Variants in PCNT observed in about 807,000 individuals in gnomAD.
PCNT encodes the protein kendrin.
In PCNT, 319 loss-of-function variants were observed where a neutral mutation model predicts 380.4. The ratio of observed to expected loss-of-function variants is 0.84; its 90% confidence interval spans 0.77 to 0.92. PCNT has a LOEUF of 0.92. Ranked by LOEUF, PCNT falls within the 40% of genes least tolerant of loss-of-function variation. The pLI, the probability that PCNT is intolerant of heterozygous loss-of-function variation, is 0.00. For synonymous variants in PCNT, 1,845 were observed against 1,735.2 expected (o/e 1.06, Z -1.57); for missense variants, 4,400 against 4,255.3 (o/e 1.03, Z -0.95).
At chr21:46,393,366 A>G (rs2086099509) in intron 21 of PCNT, among the ~76,000 whole-genome samples, 1 of 152,226 alleles carries the variant, frequency 6.6e-6, no homozygotes, top group East Asian at 1.9e-4. Context: ...CGCTCTCAGC[A>G]TCTTTGCCCT....
At chr21:46,392,726 C>T (rs187013787) in intron 21 of PCNT, among the ~76,000 whole-genome samples, 27 of 152,294 alleles carry the variant, frequency 1.8e-4, no homozygotes, top group African/African-American at 6.3e-4. Flanking sequence ...ATTGGTCCCA[C>T]GGGATGTTTT....
chr21:46,436,568 A>AT (rs1425459957), intron 39 of PCNT, among the ~76,000 whole-genome samples: 2 of 150,542 alleles, frequency 1.3e-5, no homozygotes, highest in African/African-American at 4.9e-5. Context: ...AGAAAGGGTA[A>AT]TGCTAATGTT....
intron 15 of PCNT, among the ~76,000 whole-genome samples, chr21:46,372,299 G>A (rs535229281): frequency 8.3e-6 from 1 of 120,012 alleles, no homozygotes; most frequent in East Asian, 2.0e-4. Flanking sequence ...CATACACATA[G>A]CAGATGTGCA....
intron 3 of PCNT, among the ~76,000 whole-genome samples, chr21:46,344,590 A>AT (rs1220098225): frequency 2.0e-5 from 3 of 152,246 alleles, no homozygotes; most frequent in South Asian, 4.1e-4. Flanking sequence ...AGTTTGGGTC[A>AT]TTTTTTAATC....
rs916997553 is a variant in PCNT, at chr21:46,357,086, T to G, written c.2049T>G (p.Leu683=). ...LETEHKVQLS[L]LQTELKEEIE... ...CTGAGCACAAGGTGCAACTTTCGCTTCTTCAGACTGAGCTCAAAGAAGAAA... is the reference window on the plus strand; with the variant it reads ...CTGAGCACAAGGTGCAACTTTCGCTGCTTCAGACTGAGCTCAAAGAAGAAA... Residue 683 remains leucine, a synonymous_variant, in exon 13 of 47, where the codon CTT becomes CTG. Coordinates refer to ENST00000359568, the MANE Select transcript of PCNT (RefSeq NM_006031.6). 3.1e-6 allele frequency: 5 copies of G among 1,613,902 alleles called. No individual in the cohort carries two copies. Among genetic ancestry groups the G allele is most frequent in the East Asian group, 4.5e-5 (2 of 44,890 alleles).
chr21:46,373,593 A>G (rs556043567), intron 15 of PCNT, among the ~76,000 whole-genome samples: 2 of 141,830 alleles, frequency 1.4e-5, no homozygotes, highest in South Asian at 4.7e-4. Flanking sequence ...CACCATGCCT[A>G]ATATTTGTAT....
intron 7 of PCNT, 23 bp downstream of exon 7, chr21:46,349,209 T>C (rs758010259): frequency 2.1e-5 from 33 of 1,599,744 alleles, no homozygotes; most frequent in African/African-American, 2.7e-5. Context: ...AATGAGCAAG[T>C]TTGGAGTGGG....
chr21:46,416,069 G>C lies in PCNT; in HGVS notation c.6151G>C (p.Gly2051Arg). 6.2e-7 allele frequency: 1 copy of C among 1,613,974 alleles called. No homozygotes were observed. Among genetic ancestry groups the C allele is most frequent in the Non-Finnish European group, 8.5e-7 (1 of 1,180,020 alleles). ...TGCACCTGTTCTGTTTCACCTGCAG[G>C]GTAAAGAAAAAGTACTGGAAGATTG... ...MRLSLEDGGK[G>R]KEKVLEDCQL... Residue 2051 changes from glycine to arginine, a missense_variant and splice_region_variant, in exon 30 of 47, where the codon GGT (glycine) becomes CGT (arginine). Gly to Arg is a moderately radical substitution (Grantham distance 125). Coordinates refer to ENST00000359568, the MANE Select transcript of PCNT (RefSeq NM_006031.6).
chr21:46,436,517 C>T (rs1240341123), intron 39 of PCNT, among the ~76,000 whole-genome samples: 1 of 146,414 alleles, frequency 6.8e-6, no homozygotes, highest in African/African-American at 2.5e-5. Context: ...CACTCAAGGC[C>T]ACTCACACCC....
In PCNT at chr21:46,378,585, T is replaced by TG. The variant is rs563861838; in HGVS notation, c.3166-3104dup. On this transcript the variant is annotated intron_variant, in intron 15 of 46. Coordinates refer to ENST00000359568, the MANE Select transcript of PCNT (RefSeq NM_006031.6). The stretch of plus-strand genomic sequence containing the variant: ...CGAGATTTCCTCACACCGTTCAGCT[T>TG]GGGGGCAGGCAGTTTAACACTCATA... 6.3e-3 allele frequency among the ~76,000 whole-genome samples: 958 copies of TG among 152,212 alleles called. 11 individuals are homozygous for TG. The highest frequency in any genetic ancestry group is 0.022 in the African/African-American group (921 of 41,532).
rs2084183861 is a variant in PCNT, at chr21:46,349,277, G to A, written c.1207+91G>A. ...GTCGTTCATGTCACCATGCGTCATT[G>A]CGCACGTTTCCTACCTTCTAAATGC... On this transcript the variant is annotated intron_variant, in intron 7 of 46. Transcript: ENST00000359568. 1.8e-5 allele frequency: 19 copies of A among 1,076,708 alleles called. No individual in the cohort carries two copies. In the South Asian group the frequency reaches 2.0e-4, roughly 11 times the overall value. 66.7% of individuals were successfully genotyped at this position (1,076,708 alleles called of 1,614,324 possible).
chr21:46,435,734 G>T (rs1316026915), intron 38 of PCNT, among the ~76,000 whole-genome samples, 170 bp from the exon 39 acceptor site: 3 of 151,934 alleles, frequency 2.0e-5, no homozygotes, highest in Non-Finnish European at 2.9e-5. Context: ...AGTAGAGGTG[G>T]GGTTTCACTG....
chr21:46,387,017 T>C (rs1026342216), intron 17 of PCNT, among the ~76,000 whole-genome samples: 1 of 152,166 alleles, frequency 6.6e-6, no homozygotes, highest in African/African-American at 2.4e-5. Context: ...CCCAGGCCTC[T>C]GAGTCCTGCT....
At chr21:46,357,230 G>C in intron 13 of PCNT, 39 bp downstream of exon 13, 1 of 1,390,500 alleles carries the variant, frequency 7.2e-7, no homozygotes, top group East Asian at 2.3e-5. Context: ...TCCCGCCCGA[G>C]TCCTTGCTCT....
At chr21:46,402,809 G>A (rs2086472522) in intron 27 of PCNT, among the ~76,000 whole-genome samples, 1 of 152,154 alleles carries the variant, frequency 6.6e-6, no homozygotes, top group African/African-American at 2.4e-5. Context: ...GCTGTTGGTG[G>A]CTTGCTCTTC....
At chr21:46,371,367 G>A (rs1275909819) in intron 15 of PCNT, among the ~76,000 whole-genome samples, 10 of 151,890 alleles carry the variant, frequency 6.6e-5, no homozygotes, top group East Asian at 1.9e-4. Flanking sequence ...GGGCCACCAC[G>A]CCTCGCTAAT....
At position 46,416,349 on chromosome 21, in the gene PCNT, A is replaced by C; in HGVS notation, c.6431A>C (p.Asn2144Thr). 1 of 1,614,086 alleles carries C rather than the reference A, an allele frequency of 6.2e-7. No homozygotes were observed. Among genetic ancestry groups the C allele is most frequent in the Non-Finnish European group, 8.5e-7 (1 of 1,179,982 alleles). Reference protein sequence around the residue: ...ATGGVTDVIKNQAIDACDANT... With the variant: ...ATGGVTDVIKTQAIDACDANT... ...GGGGGTGTAACTGATGTTATCAAAA[A>C]TCAGGCCATAGACGCGTGTGATGCC... is the stretch of plus-strand genomic sequence containing the variant. Residue 2144 changes from asparagine (N) to threonine (T), a missense_variant, in exon 30 of 47, where the codon AAT becomes ACT. Physicochemically the swap from Asn to Thr is moderately conservative, Grantham distance 65. Coordinates refer to ENST00000359568, the MANE Select transcript of PCNT (RefSeq NM_006031.6).
rs1602064834 is a variant in PCNT, at chr21:46,425,151, C to G, written c.7180-680C>G. Among the ~76,000 whole-genome samples the G allele has an allele frequency of 6.6e-6, 1 of 152,154 alleles. No homozygotes were observed. The highest frequency in any genetic ancestry group is 1.5e-5 in the Non-Finnish European group (1 of 68,040). On this transcript the variant is annotated intron_variant, in intron 32 of 46. Coordinates refer to ENST00000359568, the MANE Select transcript of PCNT (RefSeq NM_006031.6). This position sits in a 1 kb window ranked among gnomAD's most constrained non-coding sequence, Gnocchi z 4.2. The stretch of plus-strand genomic sequence containing the variant: ...TCTGGGCTCTGGGCTCTAGGCTGGT[C>G]GTGACACCAGCTTCTCCATAGGGCC...
rs918363787 is a variant in PCNT at position 46,390,842 on chromosome 21, A to G, written c.4003+10A>G. 6 of 1,605,548 alleles carry G rather than the reference A, an allele frequency of 3.7e-6. No homozygotes were observed. Among genetic ancestry groups the G allele is most frequent in the Admixed American group, 3.4e-5 (2 of 58,488 alleles). ...CTGCACAAGACTCAGGGTGAGCAGC[A>G]TGAGGCCTCGGGGCACCTGGAGCAC... On this transcript the variant is annotated intron_variant, in intron 20 of 46. Transcript: ENST00000359568.
Sources: allele counts gnomAD v4.1 joint callset (sites outside exome capture counted in the v4.1 genomes callset), GRCh38; gene constraint gnomAD v4.1.1; non-coding constraint Gnocchi (gnomAD v3.1); transcripts MANE v1.5; gene names NCBI Gene and HGNC (gene_info 2026-07-23, HGNC 2026-07-21).